SDK1: variants seen among roughly 807,000 people sequenced by gnomAD.
SDK1 encodes the protein protein sidekick-1.
A neutral mutation model predicts 245.5 loss-of-function variants in SDK1; 157 were observed. That is an observed-to-expected ratio of 0.64 (90% confidence interval 0.56 to 0.73). The LOEUF is 0.73. SDK1 is among the 30% of genes least tolerant of loss of function. SDK1 has a pLI of 0.00. For synonymous variants in SDK1, 1,647 were observed against 1,278.5 expected, an observed-to-expected ratio of 1.29 and a Z score of -6.15; for missense variants, 3,583 against 3,002.3, an observed-to-expected ratio of 1.19 and a Z score of -4.52.
At chr7:3,792,862 T>C (rs923007301) in intron 4 of SDK1, among the ~76,000 whole-genome samples, 69 of 152,228 alleles carry the variant, frequency 4.5e-4, no homozygotes, top group Non-Finnish European at 8.2e-4. Flanking sequence ...GGTTCCTGCC[T>C]ACAGTCCCCA....
intron 4 of SDK1, among the ~76,000 whole-genome samples, chr7:3,715,009 T>A (rs990287064): frequency 6.6e-6 from 1 of 152,116 alleles, no homozygotes; most frequent in East Asian, 1.9e-4. Context: ...AAGTAAAAAA[T>A]AAATGAAGAA....
intron 9 of SDK1, among the ~76,000 whole-genome samples, chr7:3,964,489 T>G (rs1453366516): frequency 1.3e-5 from 2 of 152,236 alleles, no homozygotes; most frequent in African/African-American, 4.8e-5. Context: ...ATTCTCTATT[T>G]TACTTTTATT....
intron 22 of SDK1, among the ~76,000 whole-genome samples, chr7:4,108,065 A>G (rs946920696): frequency 1.3e-5 from 2 of 152,212 alleles, no homozygotes; most frequent in African/African-American, 4.8e-5. Context: ...TGCCGGGGCC[A>G]GAGCTTTCAA....
chr7:3,454,917 C>G (rs567433484), intron 1 of SDK1, among the ~76,000 whole-genome samples: 4 of 152,238 alleles, frequency 2.6e-5, no homozygotes, highest in African/African-American at 9.6e-5. Flanking sequence ...AACTATTTTC[C>G]AGAGTGACTG....
chr7:3,882,329 C>G (rs374931772), intron 5 of SDK1, among the ~76,000 whole-genome samples: 1 of 152,158 alleles, frequency 6.6e-6, no homozygotes, highest in African/African-American at 2.4e-5. Flanking sequence ...GCCTTTCACT[C>G]CTGAGAATGC....
chr7:3,553,542 C>T (rs936696208), intron 1 of SDK1, among the ~76,000 whole-genome samples: 1 of 152,154 alleles, frequency 6.6e-6, no homozygotes, highest in Non-Finnish European at 1.5e-5. Flanking sequence ...CCTGGCCTTT[C>T]TTGACCTCTG....
In SDK1 at chr7:4,053,937, T is replaced by G. The variant is rs547541712; in HGVS notation, c.2911+2107T>G. 1.2e-4 allele frequency among the ~76,000 whole-genome samples: 18 copies of G among 152,194 alleles called. No homozygotes were observed. The East Asian group carries it at 1.5e-3, about 13-fold the overall frequency. On this transcript the variant is annotated intron_variant, in intron 19 of 44. Transcript: ENST00000404826. ...GTTGTTGGTGGTGGTGGTGGTTTTT[T>G]TTGTTGTTGTTGTTGTTTTGAGACA...
chr7:3,653,058 C>T (rs1181323122), intron 4 of SDK1, among the ~76,000 whole-genome samples: 1 of 152,192 alleles, frequency 6.6e-6, no homozygotes, highest in African/African-American at 2.4e-5. Context: ...TTCTCCCCCA[C>T]TTGGAAGGAA....
chr7:3,575,089 A>G (rs1406988418), intron 1 of SDK1, among the ~76,000 whole-genome samples: 1 of 152,062 alleles, frequency 6.6e-6, no homozygotes, highest in Non-Finnish European at 1.5e-5. Flanking sequence ...GTTGAAGTTG[A>G]CATCTGCCAC....
chr7:4,144,393 C>G (rs1229854371), intron 28 of SDK1, among the ~76,000 whole-genome samples: 6 of 151,070 alleles, frequency 4.0e-5, no homozygotes, highest in African/African-American at 1.5e-4. Context: ...ACACCTGCGC[C>G]TAGAGGTGGC....
chr7:3,778,185 G>C (rs541338423), intron 4 of SDK1, among the ~76,000 whole-genome samples: 1 of 152,206 alleles, frequency 6.6e-6, no homozygotes, highest in African/African-American at 2.4e-5. Flanking sequence ...CCACCTTTAA[G>C]CAAATGTTTG....
At chr7:3,636,022 T>C (rs1782448019) in intron 2 of SDK1, among the ~76,000 whole-genome samples, 1 of 152,258 alleles carries the variant, frequency 6.6e-6, no homozygotes, top group African/African-American at 2.4e-5. Flanking sequence ...TGTACCTTAT[T>C]CAACTGCAAT....
chr7:3,945,834 G>A (rs1311802825), intron 5 of SDK1, among the ~76,000 whole-genome samples: 1 of 134,940 alleles, frequency 7.4e-6, no homozygotes, highest in Non-Finnish European at 1.5e-5. Flanking sequence ...GGGGAGCGGA[G>A]CTTGCAGTGA....
intron 22 of SDK1, among the ~76,000 whole-genome samples, chr7:4,082,841 G>A (rs1019092373): frequency 6.6e-6 from 1 of 151,908 alleles, no homozygotes; most frequent in Non-Finnish European, 1.5e-5. Context: ...GGCTGGTCTC[G>A]AACTCCTGAG....
chr7:4,262,338 G>C (rs140465058), intron 44 of SDK1, among the ~76,000 whole-genome samples: 1 of 151,642 alleles, frequency 6.6e-6, no homozygotes, highest in African/African-American at 2.4e-5. Context: ...CTCCTTTAAC[G>C]GTCCTTCCAA....
intron 25 of SDK1, among the ~76,000 whole-genome samples, chr7:4,124,532 T>C (rs1333573419): frequency 6.6e-6 from 1 of 152,240 alleles, no homozygotes; most frequent in Non-Finnish European, 1.5e-5. Flanking sequence ...GCCCACCCTA[T>C]GCAGTATGAC....
At chr7:3,632,964 C>G (rs1350100458) in intron 2 of SDK1, among the ~76,000 whole-genome samples, 2 of 152,038 alleles carry the variant, frequency 1.3e-5, no homozygotes, top group Non-Finnish European at 2.9e-5. Flanking sequence ...ATGTAGAAAA[C>G]TTACAAAAAT....
In SDK1 at chr7:4,078,355, A is replaced by G. The variant is rs147812490; in HGVS notation, c.3203-1108A>G. 3.9e-3 allele frequency among the ~76,000 whole-genome samples: 597 copies of G among 152,346 alleles called. 6 individuals carry two copies. Among genetic ancestry groups the G allele is most frequent in the African/African-American group, 0.014 (562 of 41,588 alleles). ...TTAATGATTGAAGAACCATTTAAAA[A>G]TCCAGAGAGCTGAGAAATAGGAAAG... On this transcript the variant is annotated intron_variant, in intron 21 of 44. Transcript: ENST00000404826.
At chr7:3,750,811 T>C (rs1251067779) in intron 4 of SDK1, among the ~76,000 whole-genome samples, 1 of 152,196 alleles carries the variant, frequency 6.6e-6, no homozygotes, top group African/African-American at 2.4e-5. Context: ...TAGAGACAAA[T>C]AGGATACGAC....
Sources: gnomAD v4.1 joint callset for allele counts (sites outside exome capture counted in the v4.1 genomes callset) on GRCh38, gnomAD v4.1.1 for gene constraint, MANE v1.5 for transcripts, NCBI Gene and HGNC (gene_info 2026-07-23, HGNC 2026-07-21) for gene names.